Variants in SORCS3 observed in about 807,000 individuals in gnomAD.
SORCS3 encodes the protein VPS10 domain-containing receptor SorCS3.
In SORCS3, 57 loss-of-function variants were observed where a neutral mutation model predicts 146.3. The ratio of observed to expected loss-of-function variants is 0.39; its 90% CI spans 0.31 to 0.49. The LOEUF is 0.49. SORCS3 is among the 20% of genes least tolerant of loss of function. The probability of loss-of-function intolerance (pLI) is 0.92; values close to 1 mark genes in which losing one functional copy is unlikely to be tolerated. For missense variants in SORCS3, 1,341 were observed against 1,575.5 expected (o/e 0.85, Z 2.52); for synonymous variants, 653 against 618.5 (o/e 1.06, Z -0.83).
intron 20 of SORCS3, among the ~76,000 whole-genome samples, chr10:105,225,106 C>T (rs2056726448): frequency 6.6e-6 from 1 of 151,976 alleles, no homozygotes; most frequent in Non-Finnish European, 1.5e-5. Flanking sequence ...CTTATCAGTT[C>T]TTTTTTTCAT....
At chr10:105,247,368 T>A in intron 22 of SORCS3, 37 bp downstream of exon 22, 2 of 1,226,126 alleles carry the variant, frequency 1.6e-6, no homozygotes, top group Non-Finnish European at 2.4e-6. Flanking sequence ...TTCTTGTGAA[T>A]AAAGAAAAGA....
intron 1 of SORCS3, among the ~76,000 whole-genome samples, chr10:104,777,594 T>G (rs2017324367): frequency 6.6e-6 from 1 of 152,134 alleles, no homozygotes; most frequent in South Asian, 2.1e-4. Context: ...TTGTCACAAC[T>G]GGGGGGAGAG....
At chr10:104,827,638 AC>A (rs1295371015) in intron 1 of SORCS3, among the ~76,000 whole-genome samples, 2 of 152,126 alleles carry the variant, frequency 1.3e-5, no homozygotes, top group Non-Finnish European at 2.9e-5. Context: ...GTAAGTGAGC[AC>A]TGGCTTTAGC....
intron 1 of SORCS3, among the ~76,000 whole-genome samples, chr10:104,790,077 C>T (rs577607893): frequency 6.6e-6 from 1 of 152,334 alleles, no homozygotes; most frequent in African/African-American, 2.4e-5. Context: ...GGATCTATAA[C>T]TGTTTCTTTC....
At chr10:104,715,262 C>A (rs942597659) in intron 1 of SORCS3, among the ~76,000 whole-genome samples, 15 of 152,162 alleles carry the variant, frequency 9.9e-5, no homozygotes, top group Admixed American at 8.5e-4. Context: ...ATCATCCAAT[C>A]TGTTGCAGGC....
intron 14 of SORCS3, among the ~76,000 whole-genome samples, chr10:105,179,010 TTCTTTATAGTTTGAATTAG>T (rs1228688385): frequency 6.6e-6 from 1 of 152,196 alleles, no homozygotes; most frequent in Non-Finnish European, 1.5e-5. Context: ...ACACATAGAT[TTCTTTATAGTTTGAATTAG>T]TCTTTTTCCA....
intron 12 of SORCS3, among the ~76,000 whole-genome samples, chr10:105,165,183 C>G (rs1035820559): frequency 3.5e-4 from 53 of 152,180 alleles, no homozygotes; most frequent in African/African-American, 1.2e-3. Flanking sequence ...GAGTCCCTTT[C>G]CTTAAAAAGC....
intron 5 of SORCS3, among the ~76,000 whole-genome samples, chr10:105,087,716 C>T (rs978400311): frequency 6.6e-5 from 10 of 152,284 alleles, no homozygotes. Context: ...ATAAATAAGA[C>T]AGGATCCCAC....
At chr10:105,012,645 T>A (rs1385400166) in intron 4 of SORCS3, among the ~76,000 whole-genome samples, 1 of 152,152 alleles carries the variant, frequency 6.6e-6, no homozygotes, top group Non-Finnish European at 1.5e-5. Context: ...ACCTTTCGTT[T>A]TCTCCCTCCA....
At chr10:104,864,879 C>T (rs188671435) in intron 2 of SORCS3, among the ~76,000 whole-genome samples, 1 of 152,122 alleles carries the variant, frequency 6.6e-6, no homozygotes, top group African/African-American at 2.4e-5. Flanking sequence ...ATTCTTCTCC[C>T]TACCTTCCCC....
intron 3 of SORCS3, among the ~76,000 whole-genome samples, chr10:104,942,633 T>C (rs577289393): frequency 2.0e-5 from 3 of 152,320 alleles, no homozygotes; most frequent in East Asian, 3.9e-4. Context: ...AAGGTCACTT[T>C]AACATTCAAA....
chr10:104,805,986 G>A (rs1237019958), intron 1 of SORCS3, among the ~76,000 whole-genome samples: 1 of 152,114 alleles, frequency 6.6e-6, no homozygotes, highest in East Asian at 1.9e-4. Context: ...ATCCTGGTCT[G>A]CATTATGAGG....
chr10:104,952,938 A>T (rs1415555940), intron 3 of SORCS3, among the ~76,000 whole-genome samples: 1 of 152,242 alleles, frequency 6.6e-6, no homozygotes, highest in African/African-American at 2.4e-5. Context: ...GTTGATGCTA[A>T]TTATTTCTCA....
intron 1 of SORCS3, 68 bp downstream of exon 1, chr10:104,642,022 G>GGGGGGGGGGGGGGGGGGGGGGGCCCC: frequency 5.8e-6 from 1 of 173,336 alleles, no homozygotes; most frequent in Non-Finnish European, 1.1e-5. Flanking sequence ...GGGTGGGTGG[G>GGGGGGGGGGGGGGGGGGGGGGGCCCC]AGCGAGGGAC....
intron 5 of SORCS3, among the ~76,000 whole-genome samples, chr10:105,065,247 C>A (rs1170366706): frequency 6.6e-6 from 1 of 152,084 alleles, no homozygotes; most frequent in Non-Finnish European, 1.5e-5. Context: ...GAAGTTTGCA[C>A]CAGAATCATA....
intron 1 of SORCS3, among the ~76,000 whole-genome samples, chr10:104,797,256 TAAA>T (rs2017567567): frequency 1.3e-5 from 2 of 152,248 alleles, no homozygotes; most frequent in Non-Finnish European, 2.9e-5. Flanking sequence ...AAGAGGTCTA[TAAA>T]ATGAAACATT....
intron 1 of SORCS3, among the ~76,000 whole-genome samples, chr10:104,667,808 C>T (rs10509774): frequency 0.054 from 8,156 of 152,240 alleles, 318 homozygotes; most frequent in Non-Finnish European, 0.069. Context: ...TACAACTGGT[C>T]CAAGTCTGTA....
Position 105,073,756 on chromosome 10 carries a change from G to C in SORCS3, c.1029-16019G>C, listed in dbSNP as rs141753628. 1.3e-3 allele frequency among the ~76,000 whole-genome samples: 195 copies of C among 152,230 alleles called. 1 individual carries two copies. Among genetic ancestry groups the C allele is most frequent in the Non-Finnish European group, 2.5e-3 (168 of 68,002 alleles). On this transcript the variant is annotated intron_variant, in intron 5 of 26. Transcript: ENST00000369701. ...AGCTGGTACCTCGGACTGGGTGGGG[G>C]TGTGGCATCAGAAAAGAATTACTCG...
At chr10:104,749,766 T>G (rs1379592277) in intron 1 of SORCS3, among the ~76,000 whole-genome samples, 1 of 152,236 alleles carries the variant, frequency 6.6e-6, no homozygotes, top group African/African-American at 2.4e-5. Flanking sequence ...ACTTTTCATT[T>G]TGTTTAGTAA....
Sources: allele counts gnomAD v4.1 joint callset (sites outside exome capture counted in the v4.1 genomes callset), GRCh38; gene constraint gnomAD v4.1.1; transcripts MANE v1.5; gene names NCBI Gene and HGNC (gene_info 2026-07-23, HGNC 2026-07-21).